ZC3H8: variants seen among roughly 807,000 people sequenced by gnomAD.
The protein encoded by ZC3H8 is zinc finger CCCH domain-containing protein 8.
A neutral mutation model predicts 42.5 loss-of-function variants in ZC3H8; 27 were observed. The ratio of observed to expected loss-of-function variants is 0.64; its 90% confidence interval spans 0.47 to 0.88. The LOEUF (loss-of-function observed/expected upper bound fraction) is 0.88, where lower values mean the gene tolerates loss of function less well. Ranked by LOEUF, ZC3H8 falls within the 40% of genes least tolerant of loss-of-function variation. ZC3H8 has a pLI of 0.00. For missense variants in ZC3H8, 277 were observed against 336.1 expected (o/e 0.82, Z 1.37); for synonymous variants, 101 against 110.1 (o/e 0.92, Z 0.52).
At position 112,238,185 on chromosome 2, in the gene ZC3H8, G is replaced by T. The variant is rs1685426017; in HGVS notation, c.370+130C>A. ...CTCTGGCCATGCAAGCTCATGTCTG[G>T]TATAAATATTCATGAAAACCATAGT... On this transcript the variant is annotated intron_variant, in intron 3 of 8. Coordinates refer to ENST00000409573, the MANE Select transcript of ZC3H8 (RefSeq NM_032494.3). 6.3e-6 allele frequency: 6 copies of T among 949,748 alleles called. No individual in the cohort carries two copies. In the South Asian group the frequency reaches 8.5e-5, roughly 13 times the overall value. The allele number at this position is 949,748 out of a possible 1,614,324, so 58.8% of individuals were successfully genotyped here. A position where few individuals can be genotyped will look rare whatever the true frequency, so the allele number is the denominator to read the frequency against.
Position 112,229,332 on chromosome 2 carries a change from C to A in ZC3H8, c.*15+1571G>T, listed in dbSNP as rs184593276. The stretch of plus-strand genomic sequence containing the variant: ...AAAAAGTCTATTAGTATTATTTTTT[C>A]TTTTCTCCCTAGAGTTACAGTTATA... On this transcript the variant is annotated intron_variant, in intron 8 of 8. Transcript: ENST00000409573. Among the ~76,000 whole-genome samples, 13 of 152,252 alleles carry A rather than the reference C, an allele frequency of 8.5e-5. No individual in the cohort carries two copies. The East Asian group carries it at 1.9e-3, about 23-fold the overall frequency.
intron 2 of ZC3H8, among the ~76,000 whole-genome samples, chr2:112,246,938 A>G (rs561515614): frequency 3.3e-5 from 5 of 152,362 alleles, no homozygotes; most frequent in African/African-American, 1.2e-4. Context: ...AGAAATTGCC[A>G]GAGCCACCTC....
chr2:112,225,176 T>C (rs13347152), intron 8 of ZC3H8, among the ~76,000 whole-genome samples: 2 of 152,218 alleles, frequency 1.3e-5, no homozygotes, highest in Non-Finnish European at 2.9e-5. Flanking sequence ...TTTTATTTTG[T>C]ATGTGTGCAT....
intron 2 of ZC3H8, 172 bp downstream of exon 2, chr2:112,250,019 T>C: frequency 2.3e-6 from 1 of 437,510 alleles, no homozygotes; most frequent in East Asian, 3.5e-5. Context: ...ATAACCAGTT[T>C]TCTTTGATAT....
intron 3 of ZC3H8, among the ~76,000 whole-genome samples, chr2:112,237,244 T>C (rs1345177494): frequency 6.6e-6 from 1 of 152,110 alleles, no homozygotes; most frequent in African/African-American, 2.4e-5. Flanking sequence ...ATATATAAGG[T>C]ATTGTCAAGA....
chr2:112,246,803 T>G (rs564652000), intron 2 of ZC3H8, among the ~76,000 whole-genome samples: 5 of 152,360 alleles, frequency 3.3e-5, no homozygotes, highest in Admixed American at 6.5e-5. Flanking sequence ...TTGAGAGGAT[T>G]GACTCCAATT....
In ZC3H8 at chr2:112,238,516, CAG is replaced by C. The variant is rs1189770928; in HGVS notation, c.167_168del (p.Ser56CysfsTer10). On this transcript the variant is annotated frameshift_variant, in exon 3 of 9. Coordinates refer to ENST00000409573, the MANE Select transcript of ZC3H8 (RefSeq NM_032494.3). LOFTEE classifies it high-confidence loss of function. Reference protein sequence around the residue: ...CEQIPKKFRHSAISPKSSLHR... With the variant: ...CEQIPKKFRHXAISPKSSLHR... ...TGCAGCGAACTTTTTGGTGATATTG[CAG>C]AGTGTCTAAACTAAGTAAAAATTAA... The C allele has an allele frequency of 6.2e-7, 1 of 1,609,492 alleles. No homozygotes were observed. The highest frequency in any genetic ancestry group is 8.5e-7 in the Non-Finnish European group (1 of 1,179,452).
chr2:112,222,178 G>A (rs1213087825), intron 8 of ZC3H8, among the ~76,000 whole-genome samples: 2 of 152,158 alleles, frequency 1.3e-5, no homozygotes, highest in Non-Finnish European at 2.9e-5. Flanking sequence ...TTCTTTTGTT[G>A]AGTGTTCTTG....
At position 112,214,660 on chromosome 2, in the gene ZC3H8, A is replaced by G. The variant is rs932907755; in HGVS notation, c.*1824T>C. 6.6e-6 allele frequency: 1 copy of G among 152,188 alleles called. No homozygotes were observed. The highest frequency in any genetic ancestry group is 2.4e-5 in the African/African-American group (1 of 41,404). 9.4% of individuals were successfully genotyped at this position (152,188 alleles called of 1,614,324 possible). ...AATGGCTCTTGGTTCAGGGAACGGC[A>G]CAGTGGGGGCGTGGCTGAAGCAGTA... On this transcript the variant is annotated 3_prime_UTR_variant, in exon 9 of 9. Coordinates refer to ENST00000409573, the MANE Select transcript of ZC3H8 (RefSeq NM_032494.3).
intron 5 of ZC3H8, 65 bp downstream of exon 5, chr2:112,234,053 TAA>T: frequency 1.1e-6 from 1 of 945,924 alleles, no homozygotes. Flanking sequence ...AGGTATGAAT[TAA>T]AAGAGTATCA....
chr2:112,237,579 ATT>A (rs34626507), intron 3 of ZC3H8, among the ~76,000 whole-genome samples: 100 of 145,640 alleles, frequency 6.9e-4, no homozygotes, highest in Non-Finnish European at 9.1e-4. Context: ...TAAAATTTTA[ATT>A]TTTTTTTTTT....
At chr2:112,221,993 G>C (rs999434492) in intron 8 of ZC3H8, among the ~76,000 whole-genome samples, 2 of 152,142 alleles carry the variant, frequency 1.3e-5, no homozygotes, top group African/African-American at 2.4e-5. Context: ...TATATCGGCT[G>C]ATGTTCTTCA....
chr2:112,246,302 C>G (rs1343267231), intron 2 of ZC3H8, among the ~76,000 whole-genome samples: 3 of 152,214 alleles, frequency 2.0e-5, no homozygotes, highest in African/African-American at 7.2e-5. Flanking sequence ...GAATAATTGA[C>G]TTTCAAGTCT....
At chr2:112,229,565 G>C (rs1305387115) in intron 8 of ZC3H8, among the ~76,000 whole-genome samples, 1 of 152,182 alleles carries the variant, frequency 6.6e-6, no homozygotes, top group African/African-American at 2.4e-5. Flanking sequence ...ACTGGTCCCA[G>C]GAGAGTTAGA....
chr2:112,222,666 A>AT (rs1312331742), intron 8 of ZC3H8, among the ~76,000 whole-genome samples: 3 of 152,196 alleles, frequency 2.0e-5, no homozygotes, highest in East Asian at 1.9e-4. Context: ...CTTATATGAG[A>AT]TAAAAAAAGG....
At chr2:112,252,990 C>T (rs1686006313) in intron 1 of ZC3H8, among the ~76,000 whole-genome samples, 1 of 151,920 alleles carries the variant, frequency 6.6e-6, no homozygotes, top group African/African-American at 2.4e-5. Flanking sequence ...AAAAATACGT[C>T]GGGCGTGGTG....
At chr2:112,234,271 A>T (rs760205610) in intron 4 of ZC3H8, 35 bp from the exon 5 acceptor site, 6 of 1,426,928 alleles carry the variant, frequency 4.2e-6, no homozygotes, top group Non-Finnish European at 4.8e-6. Context: ...TAAATGTAAG[A>T]AACAGAAAAT....
chr2:112,237,602 A>C lies in ZC3H8; in HGVS notation c.370+713T>G, dbSNP rs557283324. 7.2e-4 allele frequency among the ~76,000 whole-genome samples: 108 copies of C among 150,980 alleles called. 1 individual carries two copies. In the South Asian group the frequency reaches 0.022, roughly 30 times the overall value. On this transcript the variant is annotated intron_variant, in intron 3 of 8. Coordinates refer to ENST00000409573, the MANE Select transcript of ZC3H8 (RefSeq NM_032494.3). Reference sequence around the variant, plus strand: ...TAATTTTTTTTTTTTTTTGAGACAGAGTCTCGCTCTGTTGTCCAGGTTGGA... The same window carrying C: ...TAATTTTTTTTTTTTTTTGAGACAGCGTCTCGCTCTGTTGTCCAGGTTGGA...
intron 8 of ZC3H8, among the ~76,000 whole-genome samples, chr2:112,224,640 C>T (rs1198387037): frequency 2.0e-5 from 3 of 152,162 alleles, no homozygotes; most frequent in African/African-American, 7.2e-5. Flanking sequence ...GAACACAATT[C>T]AGCAATAAAG....
Sources: gnomAD v4.1 joint callset for allele counts (sites outside exome capture counted in the v4.1 genomes callset) on GRCh38, gnomAD v4.1.1 for gene constraint, MANE v1.5 for transcripts, NCBI Gene and HGNC (gene_info 2026-07-23, HGNC 2026-07-21) for gene names.